Variants in ANKRD17 observed in about 807,000 individuals in gnomAD.
The protein encoded by ANKRD17 is ankyrin repeat domain 17.
Under a neutral mutation model 229.7 loss-of-function variants are expected in ANKRD17, and 19 were observed. The ratio of observed to expected loss-of-function variants is 0.08; its 90% CI spans 0.06 to 0.12. ANKRD17 has a LOEUF of 0.12. Among genes scored for constraint, ANKRD17 ranks in the 10% least tolerant of loss-of-function variants. The pLI is 1.00. For missense variants in ANKRD17, 2,176 were observed against 3,176.8 expected (o/e 0.68, Z 7.57); for synonymous variants, 1,112 against 1,146.1 (o/e 0.97, Z 0.60).
rs141681991 is a variant in ANKRD17, at chr4:73,205,448, T to C, written c.394-27915A>G. ...CCCAGAAATCAATCTACCCATTTTA[T>C]GGTCAATTGATTTTTGACAAAGATG... is the stretch of plus-strand genomic sequence containing the variant. On this transcript the variant is annotated intron_variant, in intron 1 of 33. Coordinates refer to ENST00000358602, the MANE Select transcript of ANKRD17 (RefSeq NM_032217.5). Among the ~76,000 whole-genome samples the C allele has an allele frequency of 9.8e-3, 1,492 of 152,330 alleles. 12 individuals are homozygous for C. The highest frequency in any genetic ancestry group is 0.02 in the Middle Eastern group (6 of 294).
intron 11 of ANKRD17, among the ~76,000 whole-genome samples, chr4:73,143,735 T>C (rs1366496327): frequency 6.6e-6 from 1 of 152,180 alleles, no homozygotes; most frequent in African/African-American, 2.4e-5. Flanking sequence ...AAATTGTATA[T>C]GGCCTACATC....
At chr4:73,153,073 T>C (rs539058014) in intron 6 of ANKRD17, among the ~76,000 whole-genome samples, 1 of 152,150 alleles carries the variant, frequency 6.6e-6, no homozygotes, top group South Asian at 2.1e-4. Context: ...GGTGAGGAAA[T>C]CAAAGTGCTG....
intron 26 of ANKRD17, among the ~76,000 whole-genome samples, chr4:73,097,581 C>T (rs940268191): frequency 1.3e-5 from 2 of 151,730 alleles, no homozygotes; most frequent in African/African-American, 4.8e-5. Context: ...ACCACAGGTG[C>T]ATGCCATCAC....
chr4:73,090,432 C>A (rs1177837288), intron 29 of ANKRD17, among the ~76,000 whole-genome samples: 1 of 151,974 alleles, frequency 6.6e-6, no homozygotes, highest in Non-Finnish European at 1.5e-5. Flanking sequence ...AACAAAAAAA[C>A]CCCGCCTGAT....
intron 1 of ANKRD17, among the ~76,000 whole-genome samples, chr4:73,240,866 T>C (rs527379559): frequency 1.3e-3 from 196 of 149,450 alleles, no homozygotes; most frequent in African/African-American, 4.6e-3. Context: ...TGGCGTGCAG[T>C]GGCACAATCT....
chr4:73,144,686 TA>T, intron 11 of ANKRD17, 58 bp downstream of exon 11: 2 of 1,197,564 alleles, frequency 1.7e-6, no homozygotes, highest in Non-Finnish European at 2.3e-6. Context: ...CTTAAATCTC[TA>T]AATGAAGGCA....
At chr4:73,233,963 C>T (rs1334010722) in intron 1 of ANKRD17, among the ~76,000 whole-genome samples, 1 of 152,020 alleles carries the variant, frequency 6.6e-6, no homozygotes, top group Non-Finnish European at 1.5e-5. Flanking sequence ...ATTTTGGTTA[C>T]TAGATGGGCT....
chr4:73,130,610 ATT>A (rs59923210), intron 16 of ANKRD17, among the ~76,000 whole-genome samples: 1 of 146,376 alleles, frequency 6.8e-6, no homozygotes, highest in African/African-American at 2.5e-5. Flanking sequence ...ATAAAGATCT[ATT>A]TTTTTTTTTT....
intron 1 of ANKRD17, among the ~76,000 whole-genome samples, chr4:73,251,415 G>A (rs1219813794): frequency 6.6e-6 from 1 of 152,112 alleles, no homozygotes; most frequent in Non-Finnish European, 1.5e-5. Context: ...AGGGTATTTT[G>A]CTTCTGGGTA....
intron 18 of ANKRD17, among the ~76,000 whole-genome samples, chr4:73,122,910 G>T (rs1262981293): frequency 6.6e-6 from 1 of 152,026 alleles, no homozygotes; most frequent in Non-Finnish European, 1.5e-5. Flanking sequence ...GAACTCTTCT[G>T]CTCCCAAAAC....
intron 6 of ANKRD17, among the ~76,000 whole-genome samples, chr4:73,153,433 T>C (rs982072138): frequency 1.4e-4 from 22 of 152,320 alleles, no homozygotes; most frequent in African/African-American, 4.1e-4. Flanking sequence ...GTGGCTGTGT[T>C]TTAACAATCT....
At chr4:73,086,977 A>C (rs1399342523) in intron 29 of ANKRD17, among the ~76,000 whole-genome samples, 1 of 116,476 alleles carries the variant, frequency 8.6e-6, no homozygotes, top group Non-Finnish European at 1.7e-5. Flanking sequence ...AATAGGTTTA[A>C]GGACCAAAGA....
chr4:73,255,373 C>T (rs1578539084), intron 1 of ANKRD17, among the ~76,000 whole-genome samples: 1 of 152,086 alleles, frequency 6.6e-6, no homozygotes, highest in East Asian at 1.9e-4. Context: ...GGTTAAATAC[C>T]ACAAAACCAT....
At chr4:73,082,662 A>G (rs917390747) in intron 30 of ANKRD17, among the ~76,000 whole-genome samples, 1 of 152,226 alleles carries the variant, frequency 6.6e-6, no homozygotes, top group Non-Finnish European at 1.5e-5. Flanking sequence ...AGGAAGAAAT[A>G]GTAGGAAATA....
At chr4:73,178,506 G>A (rs1434143336) in intron 1 of ANKRD17, among the ~76,000 whole-genome samples, 1 of 151,746 alleles carries the variant, frequency 6.6e-6, no homozygotes, top group Non-Finnish European at 1.5e-5. Flanking sequence ...TCAAGCACGT[G>A]GTAGTGAAGA....
At chr4:73,246,140 C>G (rs1744480286) in intron 1 of ANKRD17, among the ~76,000 whole-genome samples, 1 of 152,196 alleles carries the variant, frequency 6.6e-6, no homozygotes. Flanking sequence ...GTGAAAAGAG[C>G]ATTCCTCTCA....
At chr4:73,201,018 C>T (rs1738609045) in intron 1 of ANKRD17, among the ~76,000 whole-genome samples, 1 of 140,732 alleles carries the variant, frequency 7.1e-6, no homozygotes, top group African/African-American at 2.7e-5. Flanking sequence ...AATCTCATCA[C>T]AATACTGCAT....
intron 23 of ANKRD17, among the ~76,000 whole-genome samples, chr4:73,115,475 A>G (rs1158227473): frequency 2.0e-5 from 3 of 152,078 alleles, no homozygotes; most frequent in Non-Finnish European, 2.9e-5. Context: ...ATTTTTGTAG[A>G]GATGGGGTCT....
At chr4:73,116,872 A>G (rs1023233106) in intron 22 of ANKRD17, among the ~76,000 whole-genome samples, 2 of 151,968 alleles carry the variant, frequency 1.3e-5, no homozygotes, top group South Asian at 2.1e-4. Context: ...GTTGCACCCT[A>G]TATAATATAG....
Sources: allele counts gnomAD v4.1 joint callset (sites outside exome capture counted in the v4.1 genomes callset), GRCh38; gene constraint gnomAD v4.1.1; transcripts MANE v1.5; gene names NCBI Gene and HGNC (gene_info 2026-07-23, HGNC 2026-07-21).